The following MNDA variants were observed in gnomAD, a reference collection of about 807,000 sequenced individuals.
The protein encoded by MNDA is epididymis secretory sperm binding protein.
Under a neutral mutation model 37.8 loss-of-function variants are expected in MNDA, and 43 were observed. The observed-to-expected ratio is 1.14, with a 90% CI of 0.89 to 1.47. The LOEUF (loss-of-function observed/expected upper bound fraction) is 1.47, where lower values mean the gene tolerates loss of function less well. Among genes scored for constraint, MNDA ranks in the 40% most tolerant of loss-of-function variants. MNDA has a pLI of 0.00. For synonymous variants in MNDA, 181 were observed against 169.0 expected, an observed-to-expected ratio of 1.07 and a Z score of -0.55; for missense variants, 536 against 476.0, an observed-to-expected ratio of 1.13 and a Z score of -1.17.
intron 3 of MNDA, 52 bp from the exon 4 acceptor site, chr1:158,843,903 C>A (rs1659081428): frequency 6.8e-7 from 1 of 1,478,416 alleles, no homozygotes; most frequent in Non-Finnish European, 9.1e-7. Context: ...AAAACTTGCT[C>A]TGCTTCTTTT....
Position 158,842,308 on chromosome 1 carries a change from T to G in MNDA, c.155T>G (p.Met52Arg), listed in dbSNP as rs547914977. The G allele has an allele frequency of 3.7e-6, 6 of 1,614,142 alleles. No individual in the cohort carries two copies. The African/African-American group carries it at 6.7e-5, about 18-fold the overall frequency. ...AACAGAATTAAGATTACAGATTTGA[T>G]GGAAAAAAAGTTCCAAGGCGTTGCC... is the stretch of plus-strand genomic sequence containing the variant. ...EYNRIKITDLMEKKFQGVACL... is the reference protein window; with the variant it reads ...EYNRIKITDLREKKFQGVACL... The change falls in exon 2 of 7, where the codon ATG becomes AGG. Residue 52 changes from methionine (M) to arginine (R), a missense_variant. Transcript: ENST00000368141.
intron 1 of MNDA, among the ~76,000 whole-genome samples, chr1:158,832,144 C>T (rs1571648389): frequency 6.6e-6 from 1 of 152,232 alleles, no homozygotes; most frequent in South Asian, 2.1e-4. Context: ...ATGCTTTACT[C>T]AGTCATAGAT....
intron 1 of MNDA, among the ~76,000 whole-genome samples, chr1:158,837,243 CA>C (rs143685400): frequency 0.017 from 2,582 of 151,816 alleles, 63 homozygotes; most frequent in African/African-American, 0.059. Flanking sequence ...TAATGTTTTT[CA>C]ATATTTATTT....
chr1:158,833,058 G>T (rs970062807), intron 1 of MNDA, among the ~76,000 whole-genome samples: 1 of 151,854 alleles, frequency 6.6e-6, no homozygotes, highest in African/African-American at 2.4e-5. Flanking sequence ...CACATCTTCT[G>T]GTCCCCCAAA....
chr1:158,846,599 A>T (rs1161729418), intron 5 of MNDA, among the ~76,000 whole-genome samples: 1 of 152,150 alleles, frequency 6.6e-6, no homozygotes, highest in East Asian at 1.9e-4. Context: ...TTAAAGGATA[A>T]GGCAATCTCT....
chr1:158,848,808 A>T (rs1267701123), intron 6 of MNDA, among the ~76,000 whole-genome samples: 13 of 152,136 alleles, frequency 8.5e-5, no homozygotes, highest in Admixed American at 7.2e-4. Flanking sequence ...TTGGAAATTC[A>T]GGAATTATAT....
At chr1:158,837,836 G>T (rs1266749290) in intron 1 of MNDA, among the ~76,000 whole-genome samples, 1 of 144,052 alleles carries the variant, frequency 6.9e-6, no homozygotes, top group Non-Finnish European at 1.6e-5. Context: ...TTTTTCTGTA[G>T]TGAAACATTT....
At position 158,849,323 on chromosome 1, in the gene MNDA, C is replaced by A. The variant is rs1179236109; in HGVS notation, c.*86C>A. ...TGTGATTTTGTAAATTTCAGTAATT[C>A]ATTTAAATGATGTTTCAGTAGATAT... On this transcript the variant is annotated 3_prime_UTR_variant, in exon 7 of 7. Coordinates refer to ENST00000368141, the MANE Select transcript of MNDA (RefSeq NM_002432.3). 17 of 1,185,506 alleles carry A rather than the reference C, an allele frequency of 1.4e-5. No homozygotes were observed. The highest frequency in any genetic ancestry group is 1.3e-4 in the South Asian group (10 of 74,286). The allele number at this position is 1,185,506 out of a possible 1,614,324, so 73.4% of individuals were successfully genotyped here.
intron 6 of MNDA, among the ~76,000 whole-genome samples, chr1:158,848,295 T>C (rs911092910): frequency 4.6e-5 from 7 of 152,170 alleles, no homozygotes; most frequent in African/African-American, 1.7e-4. Context: ...CTCCACTTCA[T>C]TGGGATGGTT....
chr1:158,843,878 T>G, intron 3 of MNDA, 77 bp from the exon 4 acceptor site: 1 of 1,297,786 alleles, frequency 7.7e-7, no homozygotes. Context: ...CTTACTATGT[T>G]GTAATGAAAA....
intron 1 of MNDA, among the ~76,000 whole-genome samples, chr1:158,839,717 A>C (rs1658991968): frequency 6.6e-6 from 1 of 152,202 alleles, no homozygotes; most frequent in Non-Finnish European, 1.5e-5. Flanking sequence ...ACAGGGACAA[A>C]GAAAAACACC....
intron 1 of MNDA, among the ~76,000 whole-genome samples, chr1:158,836,314 T>C: frequency 6.6e-6 from 1 of 152,020 alleles, no homozygotes; most frequent in East Asian, 1.9e-4. Flanking sequence ...TAATTCTTCT[T>C]TATATATTTG....
intron 1 of MNDA, among the ~76,000 whole-genome samples, chr1:158,841,699 A>G (rs1046553510): frequency 6.6e-6 from 1 of 151,874 alleles, no homozygotes; most frequent in African/African-American, 2.4e-5. Context: ...GCCCATTTAT[A>G]CTTAGGCCAC....
chr1:158,837,100 G>C (rs1325751131), intron 1 of MNDA, among the ~76,000 whole-genome samples: 1 of 151,726 alleles, frequency 6.6e-6, no homozygotes, highest in Admixed American at 6.6e-5. Flanking sequence ...ATTAACACTT[G>C]TTTGGCATCC....
At chr1:158,839,227 C>T (rs1658983264) in intron 1 of MNDA, among the ~76,000 whole-genome samples, 1 of 152,144 alleles carries the variant, frequency 6.6e-6, no homozygotes, top group South Asian at 2.1e-4. Flanking sequence ...CAGGGGAGGA[C>T]TTTCACTCTT....
Position 158,845,778 on chromosome 1 carries a change from C to G in MNDA, c.762C>G (p.Ile254Met), listed in dbSNP as rs2102051932. Residue 254 changes from isoleucine to methionine, a missense_variant, in exon 5 of 7, where the codon ATC (isoleucine) becomes ATG (methionine). Transcript: ENST00000368141. ...ATTTCCATGTGAAAGTCTTCGACAT[C>G]AACTTGAAAGAGAAATTTGTAAGGA... The part of the protein sequence containing the change: ...TQYFHVKVFD[I>M]NLKEKFVRKK... 6.2e-7 allele frequency: 1 copy of G among 1,614,020 alleles called. No individual in the cohort carries two copies. Among genetic ancestry groups the G allele is most frequent in the African/African-American group, 1.3e-5 (1 of 74,996 alleles).
intron 1 of MNDA, among the ~76,000 whole-genome samples, chr1:158,833,366 G>A (rs1396899171): frequency 6.6e-6 from 1 of 152,110 alleles, no homozygotes; most frequent in Admixed American, 6.6e-5. Context: ...ATCTTAATCA[G>A]CTTCAAGTGT....
chr1:158,834,325 C>T (rs1366352880), intron 1 of MNDA, among the ~76,000 whole-genome samples: 2 of 151,252 alleles, frequency 1.3e-5, no homozygotes, highest in Admixed American at 1.3e-4. Flanking sequence ...CTCCGCCTCC[C>T]GGGTTCACGC....
At chr1:158,843,563 C>A in intron 3 of MNDA, 148 bp downstream of exon 3, 4 of 878,306 alleles carry the variant, frequency 4.6e-6, no homozygotes, top group Non-Finnish European at 6.5e-6. Context: ...AGTTAGGTAT[C>A]GTAAAAATGT....
Sources: allele counts gnomAD v4.1 joint callset (sites outside exome capture counted in the v4.1 genomes callset), GRCh38; gene constraint gnomAD v4.1.1; transcripts MANE v1.5; gene names NCBI Gene and HGNC (gene_info 2026-07-23, HGNC 2026-07-21).